Variants in ZNF804A observed in about 807,000 individuals in gnomAD.
The protein encoded by ZNF804A is zinc finger protein 804A.
A neutral mutation model predicts 16.5 loss-of-function variants in ZNF804A; 2 were observed. The observed-to-expected ratio is 0.12, with a 90% CI of 0.05 to 0.38. The LOEUF (loss-of-function observed/expected upper bound fraction) is 0.38. Ranked by LOEUF, ZNF804A falls within the 10% of genes least tolerant of loss-of-function variation. ZNF804A has a pLI of 0.99. For missense variants in ZNF804A, 1,473 were observed against 1,390.7 expected (o/e 1.06, Z -0.94); for synonymous variants, 534 against 489.6 (o/e 1.09, Z -1.20).
intron 1 of ZNF804A, among the ~76,000 whole-genome samples, chr2:184,835,899 T>C (rs1021808548): frequency 2.6e-5 from 4 of 152,002 alleles, no homozygotes; most frequent in African/African-American, 9.7e-5. Flanking sequence ...AGTCTGGGAG[T>C]GTTTGTATGT....
chr2:184,909,731 T>G (rs1206135127), intron 2 of ZNF804A, among the ~76,000 whole-genome samples: 1 of 151,886 alleles, frequency 6.6e-6, no homozygotes, highest in Non-Finnish European at 1.5e-5. Context: ...TTCTACCTTT[T>G]GTCTGCAGGG....
intron 1 of ZNF804A, among the ~76,000 whole-genome samples, chr2:184,614,382 C>T (rs546922695): frequency 6.6e-6 from 1 of 152,254 alleles, no homozygotes; most frequent in South Asian, 2.1e-4. Flanking sequence ...TGGGCAAAGA[C>T]TTCATGTCTA....
chr2:184,650,324 C>T (rs996093357), intron 1 of ZNF804A, among the ~76,000 whole-genome samples: 1 of 152,048 alleles, frequency 6.6e-6, no homozygotes, highest in Non-Finnish European at 1.5e-5. Flanking sequence ...ATAATAAGAG[C>T]CATCTATGAC....
At chr2:184,873,421 G>A (rs545727686) in intron 2 of ZNF804A, among the ~76,000 whole-genome samples, 10 of 152,292 alleles carry the variant, frequency 6.6e-5, no homozygotes, top group East Asian at 3.9e-4. Context: ...CTGGGAGATC[G>A]AGGCAGCAGT....
intron 2 of ZNF804A, among the ~76,000 whole-genome samples, chr2:184,876,072 AAG>A (rs1240696889): frequency 6.6e-6 from 1 of 152,192 alleles, no homozygotes; most frequent in Non-Finnish European, 1.5e-5. Context: ...TCAGCAAGTC[AAG>A]ATTCCTTGCT....
intron 1 of ZNF804A, among the ~76,000 whole-genome samples, chr2:184,799,648 C>T (rs1166637584): frequency 6.6e-6 from 1 of 152,142 alleles, no homozygotes; most frequent in Non-Finnish European, 1.5e-5. Flanking sequence ...TTCAAACTAC[C>T]AAGTAGCTGG....
intron 2 of ZNF804A, among the ~76,000 whole-genome samples, chr2:184,898,092 A>G (rs75016080): frequency 0.064 from 9,787 of 152,194 alleles, 1,068 homozygotes; most frequent in African/African-American, 0.22. Context: ...AACCATTTAA[A>G]TGTTTTGTTA....
chr2:184,888,000 T>C (rs1175665991), intron 2 of ZNF804A, among the ~76,000 whole-genome samples: 1 of 152,076 alleles, frequency 6.6e-6, no homozygotes, highest in Non-Finnish European at 1.5e-5. Flanking sequence ...ACGGTAACGG[T>C]TGAAGAACTA....
Position 184,749,510 on chromosome 2 carries a change from G to A in ZNF804A, c.112-116859G>A, listed in dbSNP as rs551849267. On this transcript the variant is annotated intron_variant, in intron 1 of 3. Coordinates refer to ENST00000302277, the MANE Select transcript of ZNF804A (RefSeq NM_194250.2). ...TTAGGGTTTTCTAAGTATAGACCCA[G>A]ATCGTCAACAAAGAGGTAGAGTTTG... 2.2e-4 allele frequency among the ~76,000 whole-genome samples: 34 copies of A among 151,352 alleles called. No individual in the cohort carries two copies. In the South Asian group the frequency reaches 7.0e-3, roughly 31 times the overall value.
intron 2 of ZNF804A, among the ~76,000 whole-genome samples, chr2:184,876,883 C>T (rs1000682898): frequency 6.6e-6 from 1 of 151,852 alleles, no homozygotes; most frequent in Non-Finnish European, 1.5e-5. Context: ...TTATTCCCCA[C>T]CAAAAGAAAA....
At chr2:184,792,454 T>G (rs1225901456) in intron 1 of ZNF804A, among the ~76,000 whole-genome samples, 8 of 152,192 alleles carry the variant, frequency 5.3e-5, no homozygotes, top group African/African-American at 1.7e-4. Flanking sequence ...GCCATCTGTT[T>G]ATCTTCTTTT....
chr2:184,924,623 C>G (rs185439529), intron 2 of ZNF804A, among the ~76,000 whole-genome samples: 2 of 147,130 alleles, frequency 1.4e-5, no homozygotes, highest in Admixed American at 1.4e-4. Context: ...CTTTTGTTTT[C>G]TAGTTATTTA....
chr2:184,925,842 AC>A (rs1308939916), intron 2 of ZNF804A, among the ~76,000 whole-genome samples: 2 of 151,626 alleles, frequency 1.3e-5, no homozygotes, highest in Non-Finnish European at 2.9e-5. Context: ...ACTAATAAGA[AC>A]CCTACGCTAT....
chr2:184,919,984 A>G (rs1412218565), intron 2 of ZNF804A, among the ~76,000 whole-genome samples: 1 of 152,070 alleles, frequency 6.6e-6, no homozygotes, highest in Non-Finnish European at 1.5e-5. Context: ...GCATGATGGC[A>G]TGTGCATGTA....
chr2:184,758,459 T>C (rs1693991334), intron 1 of ZNF804A, among the ~76,000 whole-genome samples: 1 of 151,940 alleles, frequency 6.6e-6, no homozygotes, highest in African/African-American at 2.4e-5. Context: ...TATAATTAAC[T>C]GAATTTAACA....
intron 1 of ZNF804A, among the ~76,000 whole-genome samples, chr2:184,604,656 C>G (rs1299708822): frequency 6.6e-6 from 1 of 152,146 alleles, no homozygotes; most frequent in Non-Finnish European, 1.5e-5. Context: ...CCACTGTCTA[C>G]GCTACATTCT....
At chr2:184,774,691 T>C (rs1694261426) in intron 1 of ZNF804A, among the ~76,000 whole-genome samples, 1 of 151,814 alleles carries the variant, frequency 6.6e-6, no homozygotes, top group Non-Finnish European at 1.5e-5. Flanking sequence ...TTTTTAATCA[T>C]TTTATCAAAA....
chr2:184,821,291 C>G (rs762108421), intron 1 of ZNF804A, among the ~76,000 whole-genome samples: 2 of 152,018 alleles, frequency 1.3e-5, no homozygotes, highest in African/African-American at 4.8e-5. Context: ...TGTGACAAAC[C>G]TGACAAAAAC....
At chr2:184,605,191 G>A (rs563744704) in intron 1 of ZNF804A, among the ~76,000 whole-genome samples, 24 of 152,100 alleles carry the variant, frequency 1.6e-4, no homozygotes, top group African/African-American at 4.8e-4. Flanking sequence ...CTGTTGAAGC[G>A]ACTTGCTGTT....
Sources: allele counts gnomAD v4.1 joint callset (sites outside exome capture counted in the v4.1 genomes callset), GRCh38; gene constraint gnomAD v4.1.1; transcripts MANE v1.5; gene names NCBI Gene and HGNC (gene_info 2026-07-23, HGNC 2026-07-21).